RAB9B: variants seen among roughly 807,000 people sequenced by gnomAD.
RAB9B encodes RAB9B, member RAS oncogene family.
A neutral mutation model predicts 8.9 loss-of-function variants in RAB9B; 1 was observed. The observed-to-expected ratio is 0.11, with a 90% confidence interval of 0.04 to 0.53. RAB9B has a LOEUF of 0.53. RAB9B is among the 20% of genes least tolerant of loss of function. The probability of loss-of-function intolerance (pLI) is 0.93; values close to 1 mark genes in which losing one functional copy is unlikely to be tolerated. For missense variants in RAB9B, 82 were observed against 152.9 expected, an observed-to-expected ratio of 0.54 and a Z score of 2.45; for synonymous variants, 63 against 57.0, an observed-to-expected ratio of 1.10 and a Z score of -0.47.
chrX:103,789,432 T>C, the RAB9B span: 9 of 1,042,426 alleles, frequency 8.6e-6, no homozygotes, highest in Non-Finnish European at 1.2e-5. Context: ...GGCAAGTAAA[T>C]AGGCCTGAGA....
chrX:103,782,637 C>T, the RAB9B span, among the ~76,000 whole-genome samples: 1 of 112,350 alleles, frequency 8.9e-6, no homozygotes, highest in African/African-American at 3.2e-5. Context: ...TCAAGTTCCT[C>T]CATCCCTGAC....
chrX:103,824,162 C>T lies in RAB9B; in HGVS notation c.*1017G>A, dbSNP rs2074674060. 1 of 112,046 alleles carries T rather than the reference C, an allele frequency of 8.9e-6. No homozygotes were observed. The highest frequency in any genetic ancestry group is 1.9e-5 in the Non-Finnish European group (1 of 53,220). 9.2% of individuals were successfully genotyped at this position (112,046 alleles called of 1,213,427 possible). ...CTGCTCTTCTGTCACTTTCAATGTC[C>T]TAATTAGGCTAGTTGAACATACAGT... On this transcript the variant is annotated 3_prime_UTR_variant, in exon 3 of 3. Transcript: ENST00000243298.
the RAB9B span, among the ~76,000 whole-genome samples, chrX:103,783,933 G>GTATATATACATATATTTA: frequency 0.12 from 13,228 of 110,353 alleles, 726 homozygotes; most frequent in Middle Eastern, 0.28. Flanking sequence ...AAATCAGTGG[G>GTATATATACATATATTTA]TATATATACA....
the RAB9B span, among the ~76,000 whole-genome samples, chrX:103,777,629 G>C: frequency 5.4e-5 from 6 of 112,090 alleles, no homozygotes; most frequent in African/African-American, 1.9e-4. Context: ...ATCATTTCTA[G>C]CAAATATCAC....
At chrX:103,789,532 G>A in the RAB9B span, 1 of 556,932 alleles carries the variant, frequency 1.8e-6, no homozygotes, top group Middle Eastern at 3.1e-4. Context: ...AGATAGCAAA[G>A]GGTGGAGGCT....
At chrX:103,815,080 C>G in the RAB9B span, among the ~76,000 whole-genome samples, 2 of 112,358 alleles carry the variant, frequency 1.8e-5, no homozygotes, top group African/African-American at 6.5e-5. Context: ...CTCCCTAACT[C>G]ATTTTATGAG....
chrX:103,815,934 CACAA>C, the RAB9B span, among the ~76,000 whole-genome samples: 3 of 111,420 alleles, frequency 2.7e-5, no homozygotes, highest in Non-Finnish European at 3.8e-5. Context: ...TAAGAGAGGA[CACAA>C]ACAAATGGAA....
Position 103,825,561 on chromosome X carries a change from G to C in RAB9B, c.224C>G (p.Pro75Arg). The change falls in exon 3 of 3, where the codon CCC (proline) becomes CGC (arginine). Residue 75 changes from proline (P) to arginine (R), a missense_variant. Coordinates refer to ENST00000243298, the MANE Select transcript of RAB9B (RefSeq NM_016370.4). ...GQERFKSLRTPFYRGADCCLL... is the reference protein window; with the variant it reads ...GQERFKSLRTRFYRGADCCLL... ...GCAGCAGTCTGCTCCCCTGTAGAAG[G>C]GTGTCCTAAGGCTCTTGAAACGTTC... The C allele has an allele frequency of 8.3e-7, 1 of 1,211,766 alleles. No homozygotes were observed. The highest frequency in any genetic ancestry group is 1.1e-6 in the Non-Finnish European group (1 of 895,512).
chrX:103,827,572 GA>G (rs2074688124), intron 1 of RAB9B, among the ~76,000 whole-genome samples: 1 of 112,050 alleles, frequency 8.9e-6, no homozygotes, highest in Non-Finnish European at 1.9e-5. Context: ...TTAGAGAGCA[GA>G]AAAAAATTGT....
At chrX:103,780,472 C>T in the RAB9B span, among the ~76,000 whole-genome samples, 4 of 87,945 alleles carry the variant, frequency 4.5e-5, no homozygotes, top group South Asian at 1.0e-3. Flanking sequence ...TGTGTGTGCG[C>T]GTCTGAAGAG....
chrX:103,787,117 G>A, the RAB9B span: 1 of 204,420 alleles, frequency 4.9e-6, no homozygotes, highest in South Asian at 1.1e-4. Context: ...CTGAGAGGGA[G>A]GATGGATAAT....
chrX:103,788,487 C>T, the RAB9B span: 1 of 1,206,141 alleles, frequency 8.3e-7, no homozygotes. Flanking sequence ...CTCCAACCTT[C>T]TGTCCATCTG....
intron 1 of RAB9B, among the ~76,000 whole-genome samples, chrX:103,831,855 G>C (rs2074705311): frequency 9.0e-6 from 1 of 110,623 alleles, no homozygotes; most frequent in African/African-American, 3.3e-5. Flanking sequence ...CAGCAGCTCG[G>C]GATTACTCAG....
chrX:103,786,626 C>T, the RAB9B span: 3 of 1,211,413 alleles, frequency 2.5e-6, no homozygotes, highest in Non-Finnish European at 3.4e-6. Context: ...GCAACGGTAA[C>T]AGGGGGCCAG....
chrX:103,826,806 G>A (rs902654881), intron 2 of RAB9B, among the ~76,000 whole-genome samples, 199 bp downstream of exon 2: 6 of 111,808 alleles, frequency 5.4e-5, no homozygotes, highest in Admixed American at 3.8e-4. Context: ...GGATGAAAAC[G>A]AATCACTAAT....
At chrX:103,814,957 C>CA in the RAB9B span, among the ~76,000 whole-genome samples, 3 of 110,612 alleles carry the variant, frequency 2.7e-5, no homozygotes, top group Non-Finnish European at 3.8e-5. Context: ...GCCTACCAAC[C>CA]AAAAAAAAGT....
At chrX:103,795,343 G>A in the RAB9B span, among the ~76,000 whole-genome samples, 2 of 111,443 alleles carry the variant, frequency 1.8e-5, no homozygotes, top group African/African-American at 6.5e-5. Flanking sequence ...AATAGGCTTG[G>A]ACTGTTTTGC....
At chrX:103,820,951 A>AACAC (rs777837640), downstream of RAB9B, among the ~76,000 whole-genome samples, 50 of 53,297 alleles carry the variant, frequency 9.4e-4, 1 homozygote, top group South Asian at 2.7e-3. Flanking sequence ...CCCTGTCTCA[A>AACAC]ACACACACAC....
rs951278082 is a variant in RAB9B, at chrX:103,823,500, G to A, written c.*1679C>T. The A allele has an allele frequency of 5.4e-5, 6 of 111,845 alleles. No individual in the cohort carries two copies. The highest frequency in any genetic ancestry group is 1.1e-4 in the Non-Finnish European group (6 of 53,221). The allele number at this position is 111,845 out of a possible 1,213,427, so 9.2% of individuals were successfully genotyped here. A position where few individuals can be genotyped will look rare whatever the true frequency, so the allele number is the denominator to read the frequency against. ...ATTCCATACGTGGCTACAATGGAGA[G>A]TTCTAGGCTGTATTCCTATGAAAGC... On this transcript the variant is annotated 3_prime_UTR_variant, in exon 3 of 3. Transcript: ENST00000243298.
Sources: allele counts gnomAD v4.1 joint callset (sites outside exome capture counted in the v4.1 genomes callset), GRCh38; gene constraint gnomAD v4.1.1; transcripts MANE v1.5; gene names NCBI Gene and HGNC (gene_info 2026-07-23, HGNC 2026-07-21).